The following RBBP8 variants were observed in gnomAD, a reference collection of about 807,000 sequenced individuals.
RBBP8 encodes the protein DNA endonuclease RBBP8.
Under a neutral mutation model 108.3 loss-of-function variants are expected in RBBP8, and 88 were observed. The ratio of observed to expected loss-of-function variants is 0.81; its 90% CI spans 0.68 to 0.97. The LOEUF (loss-of-function observed/expected upper bound fraction) is 0.97. Ranked by LOEUF, RBBP8 falls within the 50% of genes least tolerant of loss-of-function variation. RBBP8 has a pLI of 0.00. For missense variants in RBBP8, 1,023 were observed against 1,049.0 expected (o/e 0.98, Z 0.34); for synonymous variants, 332 against 348.2 (o/e 0.95, Z 0.52).
At chr18:23,006,741 A>G (rs2046056258) in intron 16 of RBBP8, among the ~76,000 whole-genome samples, 2 of 152,168 alleles carry the variant, frequency 1.3e-5, no homozygotes, top group African/African-American at 4.8e-5. Context: ...GGCTCAAGCC[A>G]TCCATCTGCC....
chr18:22,943,212 G>C (rs1253990962), intron 2 of RBBP8, among the ~76,000 whole-genome samples: 2 of 152,138 alleles, frequency 1.3e-5, no homozygotes, highest in Non-Finnish European at 2.9e-5. Context: ...AAGGCAGGAG[G>C]ATTACTTGAG....
rs2045859535 is a variant in RBBP8, at chr18:22,996,416, C to T, written c.1982C>T (p.Ala661Val). Residue 661 changes from alanine to valine, a missense_variant, in exon 13 of 19, where the codon GCA (alanine) becomes GTA (valine). Physicochemically the swap from Ala to Val is moderately conservative, Grantham distance 64. Coordinates refer to ENST00000327155, the MANE Select transcript of RBBP8 (RefSeq NM_002894.3). ...ENIQWSIDPG[A>V]DLSQYKMDVT... is the part of the protein sequence containing the mutation. ...ATCCAGTGGAGTATAGATCCGGGAG[C>T]AGACCTTTCTCAGTATAAAATGGAT... is the stretch of plus-strand genomic sequence containing the variant. The T allele has an allele frequency of 1.9e-6, 3 of 1,613,574 alleles. No homozygotes were observed. The East Asian group carries it at 6.7e-5, about 36-fold the overall frequency.
At chr18:22,945,194 G>A (rs948681961) in intron 2 of RBBP8, among the ~76,000 whole-genome samples, 4 of 152,020 alleles carry the variant, frequency 2.6e-5, no homozygotes, top group African/African-American at 9.7e-5. Flanking sequence ...AATAGTAAAA[G>A]CACTGATTGA....
intron 17 of RBBP8, among the ~76,000 whole-genome samples, chr18:23,021,263 A>G (rs1341118572): frequency 1.3e-5 from 2 of 152,248 alleles, no homozygotes; most frequent in East Asian, 3.9e-4. Context: ...TAAAAATACA[A>G]AATTAGCTGA....
At chr18:23,011,730 T>C (rs945177731) in intron 16 of RBBP8, among the ~76,000 whole-genome samples, 1 of 152,088 alleles carries the variant, frequency 6.6e-6, no homozygotes, top group Non-Finnish European at 1.5e-5. Context: ...TGAGCCACCG[T>C]GCCCGGCCTG....
In RBBP8 at chr18:23,019,734, T is replaced by C. The variant is rs1472275479; in HGVS notation, c.2455-2395T>C. Among the ~76,000 whole-genome samples the C allele has an allele frequency of 7.3e-5, 11 of 151,656 alleles. No individual in the cohort carries two copies. The Admixed American group carries it at 7.3e-4, about 10-fold the overall frequency. On this transcript the variant is annotated intron_variant, in intron 17 of 18. Transcript: ENST00000327155. ...ATCCACTTACTATCACCACCACTAA[T>C]GCCCTGGACCAAGGCAACATTTTAT...
At chr18:22,921,337 A>C (rs560171351) in intron 3 of RBBP8, among the ~76,000 whole-genome samples, 3 of 152,316 alleles carry the variant, frequency 2.0e-5, no homozygotes, top group Non-Finnish European at 2.9e-5. Flanking sequence ...GACACAAGAG[A>C]AGAGCACTTA....
intron 13 of RBBP8, among the ~76,000 whole-genome samples, chr18:22,997,412 G>T (rs780022967): frequency 6.6e-6 from 1 of 152,084 alleles, no homozygotes; most frequent in African/African-American, 2.4e-5. Context: ...CTTTTCCTAG[G>T]CTTGATTATA....
rs1490057371 is a variant in RBBP8, at chr18:23,026,407, A to G, written c.*167A>G. The G allele has an allele frequency of 1.3e-5, 8 of 631,796 alleles. No individual in the cohort carries two copies. The highest frequency in any genetic ancestry group is 3.7e-5 in the African/African-American group (2 of 53,718). 39.1% of individuals were successfully genotyped at this position (631,796 alleles called of 1,614,324 possible). ...ATTTTGCTTTTGCACCTTTAAAACA[A>G]TAAGGCGCTTTCATTTTGCACTCTA... On this transcript the variant is annotated 3_prime_UTR_variant, in exon 19 of 19. Transcript: ENST00000327155.
chr18:23,017,523 G>A (rs1231741226), intron 17 of RBBP8, among the ~76,000 whole-genome samples: 1 of 150,624 alleles, frequency 6.6e-6, no homozygotes, highest in Non-Finnish European at 1.5e-5. Context: ...GCATGGTGGC[G>A]GGCGCCTGTA....
Position 22,993,374 on chromosome 18 carries a change from T to A in RBBP8, c.1547T>A (p.Phe516Tyr), listed in dbSNP as rs746201709. 6.2e-7 allele frequency: 1 copy of A among 1,614,194 alleles called. No individual in the cohort carries two copies. Among genetic ancestry groups the A allele is most frequent in the Admixed American group, 1.7e-5 (1 of 60,018 alleles). The change falls in exon 11 of 19, where the codon TTT (phenylalanine) becomes TAT (tyrosine). Residue 516 changes from phenylalanine (F) to tyrosine (Y), a missense_variant. Phe to Tyr is a conservative substitution (Grantham distance 22). Coordinates refer to ENST00000327155, the MANE Select transcript of RBBP8 (RefSeq NM_002894.3). The part of the protein sequence containing the change: ...SQGSETSKNK[F>Y]RQVTLYEALK... ...GGAAGTGAGACTTCTAAAAACAAAT[T>A]TAGGCAAGTGACTCTTTATGAGGCT...
chr18:22,992,812 G>A lies in RBBP8; in HGVS notation c.985G>A (p.Val329Ile), dbSNP rs544256922. 7.3e-5 allele frequency: 117 copies of A among 1,608,048 alleles called. No individual in the cohort carries two copies. Among genetic ancestry groups the A allele is most frequent in the Admixed American group, 2.7e-4 (16 of 59,998 alleles). The change falls in exon 11 of 19, where the codon GTA (valine) becomes ATA (isoleucine). Residue 329 changes from valine (V) to isoleucine (I), a missense_variant. By Grantham distance (29) the Val-to-Ile change is conservative. Transcript: ENST00000327155. ...ATTACCTACTCGAGTGTCATCTCCT[G>A]TATTTGGAGCTACCTCTAGTATCAA... ...EELPTRVSSPVFGATSSIKSG... is the reference protein window; with the variant it reads ...EELPTRVSSPIFGATSSIKSG...
At chr18:22,935,467 T>G (rs1439465154) in intron 1 of RBBP8, among the ~76,000 whole-genome samples, 1 of 152,142 alleles carries the variant, frequency 6.6e-6, no homozygotes, top group Non-Finnish European at 1.5e-5. Context: ...CAGCTCATAT[T>G]TAGTTTCTGG....
chr18:23,019,683 C>G (rs1366513906), intron 17 of RBBP8, among the ~76,000 whole-genome samples: 1 of 151,760 alleles, frequency 6.6e-6, no homozygotes, highest in African/African-American at 2.4e-5. Context: ...CCCATTGATT[C>G]TTCCTTCAAA....
chr18:22,951,040 A>G (rs1290448242), intron 4 of RBBP8, among the ~76,000 whole-genome samples: 2 of 152,270 alleles, frequency 1.3e-5, no homozygotes, highest in Admixed American at 6.5e-5. Context: ...ACTTTCTACA[A>G]CTACCAACTC....
At chr18:22,934,596 A>G (rs1910353924) in intron 1 of RBBP8, among the ~76,000 whole-genome samples, 2 of 151,986 alleles carry the variant, frequency 1.3e-5, no homozygotes, top group Non-Finnish European at 2.9e-5. Flanking sequence ...ATATGCATAC[A>G]TGTGCCATGT....
chr18:22,939,411 GCAGGAGAATCGCTTGAACC>G (rs1910864796), intron 2 of RBBP8, among the ~76,000 whole-genome samples: 1 of 152,100 alleles, frequency 6.6e-6, no homozygotes, highest in Non-Finnish European at 1.5e-5. Context: ...GAAGGCTGAG[GCAGGAGAATCGCTTGAACC>G]CAGGAGAATC....
At chr18:22,928,589 G>GTGT (rs1014647323), upstream of RBBP8, among the ~76,000 whole-genome samples, 11 of 152,094 alleles carry the variant, frequency 7.2e-5, no homozygotes, top group Admixed American at 2.0e-4. Flanking sequence ...AAGAGCAAGG[G>GTGT]GTACAGCAGA....
intron 17 of RBBP8, among the ~76,000 whole-genome samples, chr18:23,017,303 C>T (rs1486560506): frequency 1.3e-5 from 2 of 148,592 alleles, no homozygotes; most frequent in African/African-American, 2.5e-5. Context: ...TGCAGTGAGC[C>T]GAGATTGTGC....
Sources: gnomAD v4.1 joint callset for allele counts (sites outside exome capture counted in the v4.1 genomes callset) on GRCh38, gnomAD v4.1.1 for gene constraint, MANE v1.5 for transcripts, NCBI Gene and HGNC (gene_info 2026-07-23, HGNC 2026-07-21) for gene names.